Variants in HECW1 observed in about 807,000 individuals in gnomAD.
HECW1 encodes the protein E3 ubiquitin-protein ligase HECW1.
HECW1 carries 61 observed loss-of-function variants against 182.3 expected under a neutral mutation model. That is an observed-to-expected ratio of 0.33 (90% CI 0.27 to 0.41). HECW1 has a LOEUF of 0.41. Ranked by LOEUF, HECW1 falls within the 10% of genes least tolerant of loss-of-function variation. The pLI, the probability that HECW1 is intolerant of heterozygous loss-of-function variation, is 1.00. For synonymous variants in HECW1, 859 were observed against 832.6 expected (o/e 1.03, Z -0.55); for missense variants, 1,739 against 2,108.9 (o/e 0.82, Z 3.44).
chr7:43,281,859 T>C (rs1207483877), intron 3 of HECW1, among the ~76,000 whole-genome samples: 1 of 151,838 alleles, frequency 6.6e-6, no homozygotes, highest in East Asian at 1.9e-4. Context: ...TGAGCCACCA[T>C]GCTTAGCTCA....
At chr7:43,455,552 C>G (rs1212177972) in intron 12 of HECW1, among the ~76,000 whole-genome samples, 1 of 152,208 alleles carries the variant, frequency 6.6e-6, no homozygotes, top group Non-Finnish European at 1.5e-5. Context: ...AGTGTCAGCT[C>G]GCACTGGAGG....
At position 43,144,550 on chromosome 7, in the gene HECW1, G is replaced by T. The variant is rs186017414; in HGVS notation, c.-32+30159G>T. The stretch of plus-strand genomic sequence containing the variant: ...TATTTTTGTCAGTATGAACTCAGGA[G>T]TATTTTTTTATTATTTCAATTATAA... On this transcript the variant is annotated intron_variant, in intron 2 of 29. Transcript: ENST00000395891. 7.9e-5 allele frequency among the ~76,000 whole-genome samples: 12 copies of T among 152,242 alleles called. No individual in the cohort carries two copies. The East Asian group carries it at 2.1e-3, about 27-fold the overall frequency.
rs191613352 is a variant in HECW1, at chr7:43,510,150, G to A, written c.4019+1029G>A. 7 of 152,382 alleles carry A rather than the reference G, an allele frequency of 4.6e-5. No individual in the cohort carries two copies. The East Asian group carries it at 1.4e-3, about 29-fold the overall frequency. The allele number at this position is 152,382 out of a possible 1,614,324, so 9.4% of individuals were successfully genotyped here. A position where few individuals can be genotyped will look rare whatever the true frequency, so the allele number is the denominator to read the frequency against. On this transcript the variant is annotated intron_variant, in intron 24 of 29. Coordinates refer to ENST00000395891, the MANE Select transcript of HECW1 (RefSeq NM_015052.5). ...GTGAATAAGTGGATGATGGAGCAGA[G>A]CAGACAAGTCACCGTGGACGGGCCC...
intron 2 of HECW1, among the ~76,000 whole-genome samples, chr7:43,142,728 C>G (rs1424792257): frequency 2.6e-5 from 4 of 152,226 alleles, no homozygotes; most frequent in African/African-American, 7.2e-5. Flanking sequence ...AGCATGTATA[C>G]ACATTGGTTC....
At chr7:43,357,704 T>C (rs936238215) in intron 5 of HECW1, among the ~76,000 whole-genome samples, 1 of 151,764 alleles carries the variant, frequency 6.6e-6, no homozygotes, top group African/African-American at 2.4e-5. Context: ...ATTTATAATA[T>C]GTTTTTATAT....
intron 3 of HECW1, among the ~76,000 whole-genome samples, chr7:43,284,338 ACTT>A (rs573466668): frequency 1.1e-3 from 170 of 152,184 alleles, no homozygotes; most frequent in African/African-American, 3.8e-3. Context: ...TATCTCACAC[ACTT>A]CTTATTTTTT....
Position 43,444,198 on chromosome 7 carries a change from AT to A in HECW1, c.1046-15del. On this transcript the variant is annotated intron_variant, in intron 10 of 29. Coordinates refer to ENST00000395891, the MANE Select transcript of HECW1 (RefSeq NM_015052.5). This position sits in a 1 kb window ranked among gnomAD's most constrained non-coding sequence, Gnocchi z 4.3. ...TGCTCTCTTCTGGGAGAAATGACATATTTTTCTTCTTACCAGCAGATGATGA... is the reference window on the plus strand; with the variant it reads ...TGCTCTCTTCTGGGAGAAATGACATATTTTCTTCTTACCAGCAGATGATGA... 6.3e-7 allele frequency: 1 copy of A among 1,581,288 alleles called. No individual in the cohort carries two copies. Among genetic ancestry groups the A allele is most frequent in the Non-Finnish European group, 8.6e-7 (1 of 1,161,432 alleles).
rs1278636329 is a variant in HECW1, at chr7:43,463,786, C to G, written c.2778C>G (p.Ser926=). 1.2e-6 allele frequency: 2 copies of G among 1,613,768 alleles called. No homozygotes were observed. The highest frequency in any genetic ancestry group is 2.7e-5 in the African/African-American group (2 of 74,902). Residue 926 remains serine, a synonymous_variant, in exon 14 of 30, where the codon TCC becomes TCG. Transcript: ENST00000395891. ...GGAGTGACTCAGAAGCCGAATCTTC[C>G]CAGTCCAGCTTAGGTATTGGAGGAG... The part of the protein sequence containing the change: ...GGGSDSEAES[S]QSSLDLRREG...
chr7:43,400,532 A>G lies in HECW1; in HGVS notation c.631+3643A>G, dbSNP rs1416009280. Among the ~76,000 whole-genome samples the G allele has an allele frequency of 2.6e-5, 4 of 152,208 alleles. No homozygotes were observed. In the East Asian group the frequency reaches 7.7e-4, roughly 29 times the overall value. On this transcript the variant is annotated intron_variant, in intron 7 of 29. Transcript: ENST00000395891. ...CGAAGACTATAATACTCAAGAGAAA[A>G]AGAAACTATTCTATTGACAGATACC...
At chr7:43,491,324 G>A (rs1190287775) in intron 17 of HECW1, among the ~76,000 whole-genome samples, 1 of 152,136 alleles carries the variant, frequency 6.6e-6, no homozygotes, top group Non-Finnish European at 1.5e-5. Flanking sequence ...TGCTTATCTT[G>A]CAGAATTTGT....
chr7:43,462,353 C>A (rs1336802153), intron 13 of HECW1, among the ~76,000 whole-genome samples: 1 of 152,052 alleles, frequency 6.6e-6, no homozygotes, highest in Non-Finnish European at 1.5e-5. Context: ...ACTGGATGAT[C>A]AATCTCCATG....
In HECW1 at chr7:43,526,244, G is replaced by A. The variant is rs555860883; in HGVS notation, c.4020-14919G>A. Among the ~76,000 whole-genome samples, 4 of 152,300 alleles carry A rather than the reference G, an allele frequency of 2.6e-5. No homozygotes were observed. In the South Asian group the frequency reaches 8.3e-4, roughly 32 times the overall value. ...GAGCCATTATTATTTTGCCATTCAT[G>A]TGAAAATTACAGAATGCTACATCAG... On this transcript the variant is annotated intron_variant, in intron 24 of 29. Coordinates refer to ENST00000395891, the MANE Select transcript of HECW1 (RefSeq NM_015052.5).
At chr7:43,348,668 G>T (rs576744259) in intron 5 of HECW1, among the ~76,000 whole-genome samples, 1 of 152,074 alleles carries the variant, frequency 6.6e-6, no homozygotes, top group African/African-American at 2.4e-5. Context: ...TTTCCTCTTA[G>T]CACCACCTTT....
At chr7:43,273,837 A>C (rs180947420) in intron 3 of HECW1, among the ~76,000 whole-genome samples, 183 of 151,786 alleles carry the variant, frequency 1.2e-3, no homozygotes, top group African/African-American at 4.2e-3. Flanking sequence ...AATATATGAC[A>C]GAAGTTGTAA....
At chr7:43,266,764 A>G (rs1801848329) in intron 3 of HECW1, among the ~76,000 whole-genome samples, 1 of 152,228 alleles carries the variant, frequency 6.6e-6, no homozygotes. Context: ...AACAACAGAA[A>G]AATTCTCAAA....
chr7:43,503,692 CTT>C (rs1284032508), intron 21 of HECW1, among the ~76,000 whole-genome samples: 2 of 151,142 alleles, frequency 1.3e-5, no homozygotes, highest in African/African-American at 4.9e-5. Context: ...TCCCCATTCT[CTT>C]AGACTGGTAT....
intron 3 of HECW1, among the ~76,000 whole-genome samples, chr7:43,307,070 GA>G (rs201464180): frequency 1.3e-5 from 2 of 151,182 alleles, no homozygotes; most frequent in African/African-American, 4.9e-5. Context: ...CTACAAATAG[GA>G]AAAAAAACCA....
At chr7:43,324,047 A>AC (rs1342748006) in intron 5 of HECW1, among the ~76,000 whole-genome samples, 1 of 151,864 alleles carries the variant, frequency 6.6e-6, no homozygotes, top group Non-Finnish European at 1.5e-5. Context: ...AAAAGAAAAA[A>AC]AAAGGCTTGC....
intron 2 of HECW1, among the ~76,000 whole-genome samples, chr7:43,139,319 G>T (rs1178505170): frequency 6.6e-6 from 1 of 152,196 alleles, no homozygotes; most frequent in Non-Finnish European, 1.5e-5. Context: ...TGTAATCAGA[G>T]TAAAATGGAA....
Sources: allele counts gnomAD v4.1 joint callset (sites outside exome capture counted in the v4.1 genomes callset), GRCh38; gene constraint gnomAD v4.1.1; non-coding constraint Gnocchi (gnomAD v3.1); transcripts MANE v1.5; gene names NCBI Gene and HGNC (gene_info 2026-07-23, HGNC 2026-07-21).